ADA: variants seen among roughly 807,000 people sequenced by gnomAD.
ADA encodes the protein adenosine deaminase.
In ADA, 45 loss-of-function variants were observed where a neutral mutation model predicts 49.0. The observed-to-expected ratio is 0.92, with a 90% CI of 0.72 to 1.18. The LOEUF (loss-of-function observed/expected upper bound fraction) is 1.18. Ranked by LOEUF, ADA falls within the 50% of genes most tolerant of loss-of-function variation. The pLI is 0.00. For synonymous variants in ADA, 173 were observed against 184.2 expected, an observed-to-expected ratio of 0.94 and a Z score of 0.49; for missense variants, 445 against 472.5, an observed-to-expected ratio of 0.94 and a Z score of 0.54.
chr20:44,626,527 A>AT lies in ADA; in HGVS notation c.290dup (p.Tyr97Ter). Residue 97 changes from tyrosine to a stop codon, truncating the protein, a stop_gained and frameshift_variant, in exon 4 of 12, where the codon TAT becomes TAAT. Coordinates refer to ENST00000372874, the MANE Select transcript of ADA (RefSeq NM_000022.4). LOFTEE classifies it high-confidence loss of function. Reference protein sequence around the residue: ...VEMKAKEGVVYVEVRYSPHLL... With the variant: ...VEMKAKEGVV ...GGTGCGGACTGTACCGCACCTCCAC[A>AT]TACACCACGCCCTCTTTGGCCTTCA... is the stretch of plus-strand genomic sequence containing the variant. 1 of 1,614,072 alleles carries AT rather than the reference A, an allele frequency of 6.2e-7. No homozygotes were observed. The highest frequency in any genetic ancestry group is 2.2e-5 in the East Asian group (1 of 44,874).
chr20:44,619,678 A>G lies in ADA; in HGVS notation c.*156T>C. On this transcript the variant is annotated 3_prime_UTR_variant, in exon 12 of 12. Transcript: ENST00000372874. Reference sequence around the variant, plus strand: ...AGAAGTGACGCGGCCATGCCGAGGTATACGTGTGTGCAGAAATGGACACAT... The same window carrying G: ...AGAAGTGACGCGGCCATGCCGAGGTGTACGTGTGTGCAGAAATGGACACAT... The G allele has an allele frequency of 1.0e-6, 1 of 960,354 alleles. No individual in the cohort carries two copies. Among genetic ancestry groups the G allele is most frequent in the Non-Finnish European group, 1.7e-6 (1 of 605,912 alleles). The allele number at this position is 960,354 out of a possible 1,614,324, so 59.5% of individuals were successfully genotyped here.
intron 2 of ADA, among the ~76,000 whole-genome samples, chr20:44,630,342 T>A: frequency 3.7e-5 from 5 of 135,622 alleles, no homozygotes; most frequent in Admixed American, 7.8e-5. Flanking sequence ...AGACTCTGTA[T>A]CACAAAAAAA....
chr20:44,640,899 CAACCAGAAGAGGCAAGGA>C (rs1241695210), intron 1 of ADA, among the ~76,000 whole-genome samples: 1 of 151,948 alleles, frequency 6.6e-6, no homozygotes, highest in East Asian at 1.9e-4. Flanking sequence ...GAGCCACCAG[CAACCAGAAGAGGCAAGGA>C]ATGGATTCCC....
At chr20:44,634,409 C>T (rs2065461023) in intron 2 of ADA, among the ~76,000 whole-genome samples, 1 of 152,214 alleles carries the variant, frequency 6.6e-6, no homozygotes, top group Admixed American at 6.5e-5. Flanking sequence ...CTTACCAAAA[C>T]CTCTAACTGA....
At chr20:44,644,169 G>A (rs1394838750) in intron 1 of ADA, among the ~76,000 whole-genome samples, 1 of 122 alleles carries the variant, frequency 8.2e-3, no homozygotes, top group African/African-American at 0.023. Context: ...GGAGGTAGAC[G>A]CCCTGCTCGC....
At chr20:44,647,923 G>C (rs1034730948) in intron 1 of ADA, among the ~76,000 whole-genome samples, 2 of 151,936 alleles carry the variant, frequency 1.3e-5, no homozygotes, top group Non-Finnish European at 2.9e-5. Context: ...GCACACGCCT[G>C]TAGTCCCAGC....
intron 2 of ADA, among the ~76,000 whole-genome samples, chr20:44,631,225 G>GT (rs2065430308): frequency 6.6e-6 from 1 of 152,076 alleles, no homozygotes; most frequent in Non-Finnish European, 1.5e-5. Flanking sequence ...TGCCCAGAGG[G>GT]TACCACCAAG....
chr20:44,650,280 T>C (rs1012400988), intron 1 of ADA, among the ~76,000 whole-genome samples: 8 of 152,140 alleles, frequency 5.3e-5, no homozygotes, highest in African/African-American at 1.9e-4. Flanking sequence ...GGGGCATCAG[T>C]AGTGGGGGCC....
chr20:44,623,405 C>T (rs995124229), intron 6 of ADA, among the ~76,000 whole-genome samples: 6 of 152,232 alleles, frequency 3.9e-5, no homozygotes, highest in African/African-American at 1.4e-4. Context: ...TGGAACCAAG[C>T]TCTGAGCCCG....
chr20:44,651,191 G>A (rs2065642083), intron 1 of ADA, among the ~76,000 whole-genome samples: 1 of 152,178 alleles, frequency 6.6e-6, no homozygotes, highest in South Asian at 2.1e-4. Flanking sequence ...CTCAGTAGGC[G>A]CCGGGCACAG....
intron 5 of ADA, 138 bp from the exon 6 acceptor site, chr20:44,624,467 C>CT: frequency 8.4e-7 from 1 of 1,196,826 alleles, no homozygotes; most frequent in Non-Finnish European, 1.2e-6. Context: ...ATCCTAACTG[C>CT]TATGTCCTAA....
chr20:44,643,115 G>A (rs2065553517), intron 1 of ADA, among the ~76,000 whole-genome samples: 1 of 152,214 alleles, frequency 6.6e-6, no homozygotes, highest in Non-Finnish European at 1.5e-5. Flanking sequence ...TATTCCAGAT[G>A]ACAATGACAA....
intron 1 of ADA, among the ~76,000 whole-genome samples, chr20:44,649,696 T>C (rs973547734): frequency 3.3e-5 from 5 of 150,040 alleles, no homozygotes; most frequent in African/African-American, 1.2e-4. Flanking sequence ...TGCTGTTCTC[T>C]CCATAACTCC....
chr20:44,633,287 T>C (rs184532976), intron 2 of ADA, among the ~76,000 whole-genome samples: 1 of 152,294 alleles, frequency 6.6e-6, no homozygotes, highest in East Asian at 1.9e-4. Context: ...TTGTGTGTCA[T>C]GAGAAAGAGC....
intron 2 of ADA, among the ~76,000 whole-genome samples, chr20:44,631,695 G>A (rs1228946400): frequency 6.6e-6 from 1 of 152,276 alleles, no homozygotes; most frequent in East Asian, 1.9e-4. Context: ...CTCAGACTCT[G>A]CCTTTTACAC....
chr20:44,646,585 A>C (rs2065594091), intron 1 of ADA, among the ~76,000 whole-genome samples: 1 of 151,914 alleles, frequency 6.6e-6, no homozygotes, highest in Non-Finnish European at 1.5e-5. Context: ...ACTGTACAAA[A>C]ACCAATCAGC....
rs745535082 is a variant in ADA, at chr20:44,629,169, C to T, written c.96G>A (p.Arg32=). ...TAGCTGGGAGGGCGATCCCTCTCCT[C>T]CTGGAAACAAAACAGTGAGTGGTGG... is the stretch of plus-strand genomic sequence containing the variant. ...IKPETILYYG[R]RRGIALPANT... is the part of the protein sequence containing the mutation. Residue 32 remains arginine (R), a splice_region_variant and synonymous_variant, in exon 3 of 12, where the codon AGG becomes AGA. Transcript: ENST00000372874. 31 of 1,614,080 alleles carry T rather than the reference C, an allele frequency of 1.9e-5. No individual in the cohort carries two copies. Among genetic ancestry groups the T allele is most frequent in the South Asian group, 7.7e-5 (7 of 91,094 alleles).
At chr20:44,636,203 G>C in intron 2 of ADA, 24 bp downstream of exon 2, 1 of 1,598,390 alleles carries the variant, frequency 6.3e-7, no homozygotes, top group Non-Finnish European at 8.6e-7. Context: ...CCCAGGGAGA[G>C]AGGGCTCTTC....
chr20:44,622,075 G>A (rs1192589503), intron 9 of ADA, among the ~76,000 whole-genome samples: 1 of 152,208 alleles, frequency 6.6e-6, no homozygotes, highest in African/African-American at 2.4e-5. Flanking sequence ...GCCTGATACT[G>A]CTCCTGTGGC....
Sources: gnomAD v4.1 joint callset for allele counts (sites outside exome capture counted in the v4.1 genomes callset) on GRCh38, gnomAD v4.1.1 for gene constraint, MANE v1.5 for transcripts, NCBI Gene and HGNC (gene_info 2026-07-23, HGNC 2026-07-21) for gene names.